Variants in PLD5 observed in about 807,000 individuals in gnomAD.
PLD5 encodes the protein inactive phospholipase D5.
PLD5 carries 36 observed loss-of-function variants against 61.1 expected under a neutral mutation model. That is an observed-to-expected ratio of 0.59 (90% CI 0.45 to 0.78). PLD5 has a LOEUF of 0.78. Ranked by LOEUF, PLD5 falls within the 30% of genes least tolerant of loss-of-function variation. PLD5 has a pLI of 0.00. For missense variants in PLD5, 515 were observed against 644.4 expected (o/e 0.80, Z 2.17); for synonymous variants, 243 against 242.8 (o/e 1.00, Z -0.01).
chr1:242,346,763 C>A (rs1355353144), intron 2 of PLD5, among the ~76,000 whole-genome samples: 1 of 152,140 alleles, frequency 6.6e-6, no homozygotes, highest in Non-Finnish European at 1.5e-5. Flanking sequence ...AAATATTAAG[C>A]CCAGCATCCA....
chr1:242,528,879 G>A (rs1475238939), upstream of PLD5, among the ~76,000 whole-genome samples: 2 of 152,202 alleles, frequency 1.3e-5, no homozygotes, highest in East Asian at 1.9e-4. Flanking sequence ...TTTCACAGGT[G>A]TAGTGTTGCC....
chr1:242,481,547 A>G (rs1027328315), intron 1 of PLD5, among the ~76,000 whole-genome samples: 8 of 152,334 alleles, frequency 5.3e-5, no homozygotes, highest in Admixed American at 3.9e-4. Flanking sequence ...TGAGTAGGTA[A>G]ACAAAGCAGC....
intron 5 of PLD5, among the ~76,000 whole-genome samples, chr1:242,202,951 G>A (rs943166292): frequency 2.0e-5 from 3 of 152,034 alleles, no homozygotes; most frequent in Non-Finnish European, 2.9e-5. Context: ...CCGAGAGACC[G>A]AATATACAAA....
Position 242,508,493 on chromosome 1 carries a change from G to A in PLD5, c.189+15595C>T, listed in dbSNP as rs1037316263. ...GCCATATTGAGGAGCTCTTCACCAC[G>A]CTCTGTACTTCCGACAAGCACATCC... On this transcript the variant is annotated intron_variant, in intron 1 of 9. Transcript: ENST00000536534. 5.3e-5 allele frequency among the ~76,000 whole-genome samples: 8 copies of A among 152,116 alleles called. No homozygotes were observed. In the South Asian group the frequency reaches 1.2e-3, roughly 24 times the overall value.
At chr1:242,224,040 T>C (rs1670773631) in intron 4 of PLD5, among the ~76,000 whole-genome samples, 1 of 152,200 alleles carries the variant, frequency 6.6e-6, no homozygotes. Context: ...GGTTAAAATA[T>C]AATGCTGTCT....
intron 1 of PLD5, among the ~76,000 whole-genome samples, chr1:242,368,398 C>A (rs1243008812): frequency 2.6e-5 from 4 of 152,018 alleles, no homozygotes. Flanking sequence ...AAGACCTGGA[C>A]ACAAAGAGTA....
chr1:242,101,336 C>G (rs1387516406), intron 8 of PLD5, among the ~76,000 whole-genome samples: 1 of 152,048 alleles, frequency 6.6e-6, no homozygotes, highest in Non-Finnish European at 1.5e-5. Flanking sequence ...AACTTCAAAC[C>G]GTGAATTCTG....
intron 4 of PLD5, among the ~76,000 whole-genome samples, chr1:242,230,023 A>G (rs565871544): frequency 2.0e-4 from 30 of 152,122 alleles, no homozygotes; most frequent in African/African-American, 7.0e-4. Context: ...GCTTGTCGCA[A>G]CTGTCAGGGG....
Position 242,100,800 on chromosome 1 carries a change from A to G in PLD5, c.1240-18T>C, listed in dbSNP as rs12124966. On this transcript the variant is annotated intron_variant, in intron 8 of 9. Coordinates refer to ENST00000536534, the MANE Select transcript of PLD5 (RefSeq NM_001372062.1). ...AAAAATTTCTGTAAGAAAAAAAAAA[A>G]GGGGGCAGGTAAATAAGAGGAACGT... The G allele has an allele frequency of 0.23, 340,277 of 1,478,068 alleles. 33,308 individuals are homozygous for G. Among genetic ancestry groups the G allele is most frequent in the Middle Eastern group, 0.3 (1,722 of 5,756 alleles). 91.6% of individuals were successfully genotyped at this position (1,478,068 alleles called of 1,614,324 possible). A position where few individuals can be genotyped will look rare whatever the true frequency, so the allele number is the denominator to read the frequency against.
At chr1:242,253,914 T>C (rs1672862710) in intron 4 of PLD5, among the ~76,000 whole-genome samples, 1 of 152,194 alleles carries the variant, frequency 6.6e-6, no homozygotes, top group African/African-American at 2.4e-5. Flanking sequence ...CACATTGAAT[T>C]GCAGACTTAA....
intron 1 of PLD5, among the ~76,000 whole-genome samples, chr1:242,390,991 G>A (rs7555941): frequency 6.6e-6 from 1 of 151,836 alleles, no homozygotes; most frequent in Non-Finnish European, 1.5e-5. Flanking sequence ...AGGAGATGGA[G>A]ACCATCTGGC....
chr1:242,395,196 T>C (rs1297396385), intron 1 of PLD5, among the ~76,000 whole-genome samples: 1 of 151,626 alleles, frequency 6.6e-6, no homozygotes, highest in Non-Finnish European at 1.5e-5. Flanking sequence ...TTTACATTTA[T>C]AGAAATCAAA....
chr1:242,431,248 A>G (rs1293391683), intron 1 of PLD5, among the ~76,000 whole-genome samples: 1 of 152,228 alleles, frequency 6.6e-6, no homozygotes, highest in East Asian at 1.9e-4. Flanking sequence ...CTTCAAAGAA[A>G]CAGTTTTGGT....
intron 2 of PLD5, among the ~76,000 whole-genome samples, chr1:242,302,443 C>T (rs1355817610): frequency 6.6e-6 from 1 of 152,196 alleles, no homozygotes; most frequent in Non-Finnish European, 1.5e-5. Context: ...CTCAGCTGGG[C>T]ATGGTGGCTC....
chr1:242,444,457 C>T (rs1376705176), intron 1 of PLD5, among the ~76,000 whole-genome samples: 2 of 151,674 alleles, frequency 1.3e-5, no homozygotes, highest in African/African-American at 2.4e-5. Context: ...GAAAATGGCA[C>T]TGTAGCCATT....
At chr1:242,347,745 A>C (rs1189999216) in intron 2 of PLD5, among the ~76,000 whole-genome samples, 1 of 152,266 alleles carries the variant, frequency 6.6e-6, no homozygotes, top group Non-Finnish European at 1.5e-5. Flanking sequence ...TTTAACTTAC[A>C]TTTGATGGAA....
Position 242,415,812 on chromosome 1 carries a change from A to T in PLD5, c.190-67570T>A, listed in dbSNP as rs186700179. On this transcript the variant is annotated intron_variant, in intron 1 of 9. Coordinates refer to ENST00000536534, the MANE Select transcript of PLD5 (RefSeq NM_001372062.1). ...GCATGAGCCACTGCGCTGGGCCAAG[A>T]TTTTTTTAAGTGGTTACCTAAGGAA... 8.9e-4 allele frequency among the ~76,000 whole-genome samples: 136 copies of T among 152,190 alleles called. 1 individual carries two copies. The East Asian group carries it at 0.017, about 19-fold the overall frequency.
chr1:242,262,698 C>T (rs1372018575), intron 4 of PLD5, among the ~76,000 whole-genome samples: 9 of 152,040 alleles, frequency 5.9e-5, no homozygotes, highest in Admixed American at 1.3e-4. Context: ...ATGTGGCGTA[C>T]GAGAGCGTGG....
intron 5 of PLD5, among the ~76,000 whole-genome samples, chr1:242,159,399 G>T (rs1254176851): frequency 6.6e-6 from 1 of 152,084 alleles, no homozygotes; most frequent in African/African-American, 2.4e-5. Flanking sequence ...CCTCAGGTTA[G>T]GTCTCTCCTT....
Sources: allele counts gnomAD v4.1 joint callset (sites outside exome capture counted in the v4.1 genomes callset), GRCh38; gene constraint gnomAD v4.1.1; transcripts MANE v1.5; gene names NCBI Gene and HGNC (gene_info 2026-07-23, HGNC 2026-07-21).